Variants in PPP4R3B observed in about 807,000 individuals in gnomAD.
The protein encoded by PPP4R3B is protein phosphatase 4 regulatory subunit 3B.
Under a neutral mutation model 95.4 loss-of-function variants are expected in PPP4R3B, and 52 were observed. That is an observed-to-expected ratio of 0.54 (90% CI 0.44 to 0.69). The LOEUF is 0.69. Ranked by LOEUF, PPP4R3B falls within the 30% of genes least tolerant of loss-of-function variation. PPP4R3B has a pLI of 0.00. For synonymous variants in PPP4R3B, 407 were observed against 343.9 expected (o/e 1.18, Z -2.03); for missense variants, 1,003 against 1,005.9 (o/e 1.00, Z 0.04).
chr2:55,579,831 C>T (rs780420728), intron 8 of PPP4R3B, 50 bp from the exon 9 acceptor site: 1 of 1,227,802 alleles, frequency 8.1e-7, no homozygotes, highest in Non-Finnish European at 1.2e-6. Context: ...TAAATAAAAA[C>T]ATCTTCAAGA....
chr2:55,593,408 A>C (rs1691308628), intron 4 of PPP4R3B, among the ~76,000 whole-genome samples: 1 of 152,202 alleles, frequency 6.6e-6, no homozygotes, highest in South Asian at 2.1e-4. Flanking sequence ...GGACCTTCGT[A>C]CTACCTCACT....
chr2:55,581,566 C>A lies in PPP4R3B; in HGVS notation c.1365+1G>T. On this transcript the variant is annotated splice_donor_variant, in intron 8 of 16. Coordinates refer to ENST00000616407, the MANE Select transcript of PPP4R3B (RefSeq NM_001122964.3). LOFTEE classifies it high-confidence loss of function. The stretch of plus-strand genomic sequence containing the variant: ...ATTTTTATCTCAGAGTAATTTCTTA[C>A]ATTAGTTGTAGCCAGCATGTTCTCT... 1 of 1,608,324 alleles carries A rather than the reference C, an allele frequency of 6.2e-7. No homozygotes were observed. The highest frequency in any genetic ancestry group is 8.5e-7 in the Non-Finnish European group (1 of 1,177,824).
intron 4 of PPP4R3B, among the ~76,000 whole-genome samples, chr2:55,590,809 T>C (rs1207967581): frequency 6.6e-6 from 1 of 152,220 alleles, no homozygotes. Flanking sequence ...GGATCATCCA[T>C]TAAATGGTAT....
intron 1 of PPP4R3B, among the ~76,000 whole-genome samples, chr2:55,615,857 CAAA>C (rs58981030): frequency 3.3e-4 from 13 of 39,064 alleles, no homozygotes; most frequent in African/African-American, 1.8e-3. Context: ...ACTCTGTCTC[CAAA>C]AAAAAAAAAA....
intron 5 of PPP4R3B, among the ~76,000 whole-genome samples, chr2:55,587,561 GCAACAGA>G (rs1690318519): frequency 6.6e-6 from 1 of 152,214 alleles, no homozygotes; most frequent in Non-Finnish European, 1.5e-5. Flanking sequence ...TCCAGTCTGG[GCAACAGA>G]GCAAGACTCT....
intron 16 of PPP4R3B, among the ~76,000 whole-genome samples, chr2:55,557,846 G>A (rs1397001411): frequency 2.0e-5 from 3 of 151,946 alleles, no homozygotes. Context: ...ATATGAACAA[G>A]AAAAATGTTT....
Position 55,598,984 on chromosome 2 carries a change from T to C in PPP4R3B, c.353A>G (p.Glu118Gly). 1 of 1,614,052 alleles carries C rather than the reference T, an allele frequency of 6.2e-7. No individual in the cohort carries two copies. The highest frequency in any genetic ancestry group is 1.7e-5 in the Admixed American group (1 of 60,020). Residue 118 changes from glutamate to glycine, a missense_variant, in exon 4 of 17, where the codon GAA becomes GGA. Around this residue, in one of 3 missense-constraint regions of PPP4R3B, gnomAD observed 695 missense variants for 686.2 expected, o/e 1.01. Coordinates refer to ENST00000616407, the MANE Select transcript of PPP4R3B (RefSeq NM_001122964.3). ...EVTQDLIDESEEERFEEMPET... is the reference protein window; with the variant it reads ...EVTQDLIDESGEERFEEMPET... ...AGGCATTTCTTCAAATCGTTCTTCT[T>C]CAGATTCATCAATGAGGTCCTGTGT...
chr2:55,612,641 T>C (rs528640558), intron 2 of PPP4R3B, among the ~76,000 whole-genome samples: 1 of 152,204 alleles, frequency 6.6e-6, no homozygotes, highest in East Asian at 1.9e-4. Flanking sequence ...CTTTACAAAT[T>C]TTTTAAAAAA....
chr2:55,571,719 G>A lies in PPP4R3B; in HGVS notation c.1765+1900C>T, dbSNP rs571496269. 3.9e-5 allele frequency among the ~76,000 whole-genome samples: 6 copies of A among 152,212 alleles called. No homozygotes were observed. In the South Asian group the frequency reaches 8.3e-4, roughly 21 times the overall value. On this transcript the variant is annotated intron_variant, in intron 12 of 16. Transcript: ENST00000616407. The stretch of plus-strand genomic sequence containing the variant: ...CAGCTCACTGCAACCCCCGTCTCCC[G>A]GGTTCAAGTGATTCTCCTGCCTCAG...
In PPP4R3B at chr2:55,598,049, C is replaced by G. The variant is rs1422355280; in HGVS notation, c.921+367G>C. On this transcript the variant is annotated intron_variant, in intron 4 of 16. Coordinates refer to ENST00000616407, the MANE Select transcript of PPP4R3B (RefSeq NM_001122964.3). Reference sequence around the variant, plus strand: ...TCTGGGCAACACAGTGAAACCCCTTCCCTACTAAAAATACAAAAAAATCAG... The same window carrying G: ...TCTGGGCAACACAGTGAAACCCCTTGCCTACTAAAAATACAAAAAAATCAG... Among the ~76,000 whole-genome samples the G allele has an allele frequency of 2.0e-5, 3 of 152,000 alleles. 1 individual carries two copies. The highest frequency in any genetic ancestry group is 4.1e-4 in the South Asian group (2 of 4,820).
chr2:55,575,608 G>T (rs1296219783), intron 11 of PPP4R3B, among the ~76,000 whole-genome samples: 1 of 151,894 alleles, frequency 6.6e-6, no homozygotes, highest in South Asian at 2.1e-4. Context: ...ACCATGCCCA[G>T]TATATTTTTT....
rs758287570 is a variant in PPP4R3B at position 55,604,008 on chromosome 2, G to A, written c.267C>T (p.Gly89=). Residue 89 remains glycine (G), a synonymous_variant, in exon 3 of 17, where the codon GGC becomes GGT. Transcript: ENST00000616407. ...DLALSFQEKA[G]CDEIWEKICQ... ...AAATTTTTTCCCAGATCTCATCACA[G>A]CCAGCTTTCTCCTGAAAACTCAGAG... The A allele has an allele frequency of 6.2e-7, 1 of 1,610,584 alleles. No homozygotes were observed. Among genetic ancestry groups the A allele is most frequent in the Admixed American group, 1.7e-5 (1 of 59,676 alleles).
At chr2:55,581,492 T>C in intron 8 of PPP4R3B, 75 bp downstream of exon 8, 2 of 1,444,304 alleles carry the variant, frequency 1.4e-6, no homozygotes, top group Non-Finnish European at 1.9e-6. Context: ...AAAATACTTG[T>C]TTCTCAAAAT....
intron 4 of PPP4R3B, chr2:55,591,674 A>G: frequency 1.0e-6 from 1 of 984,336 alleles, no homozygotes; most frequent in Non-Finnish European, 1.2e-6. Flanking sequence ...ATGATTCGGT[A>G]CTTGTGAGCT....
chr2:55,549,739 T>G lies in PPP4R3B; in HGVS notation c.*172A>C, dbSNP rs890363273. ...AATTACTAGCAAGCAATCAAGTTCC[T>G]GGGAAGCCTGATTTTTATTAGAACT... On this transcript the variant is annotated 3_prime_UTR_variant, in exon 17 of 17. Coordinates refer to ENST00000616407, the MANE Select transcript of PPP4R3B (RefSeq NM_001122964.3). 5 of 570,824 alleles carry G rather than the reference T, an allele frequency of 8.8e-6. No homozygotes were observed. The African/African-American group carries it at 9.8e-5, about 11-fold the overall frequency. 35.4% of individuals were successfully genotyped at this position (570,824 alleles called of 1,614,324 possible).
chr2:55,578,306 A>C lies in PPP4R3B; in HGVS notation c.1505T>G (p.Phe502Cys), dbSNP rs1046045389. ...FLKHYRYSWS[F>C]ICTPSHSHSH... ...ATGGGAATGTGAAGGGGTACATATG[A>C]AACTCCAACTATATCTGTAATGTTT... The change falls in exon 10 of 17, where the codon TTC becomes TGC. Residue 502 changes from phenylalanine (F) to cysteine (C), a missense_variant. Phe to Cys is a radical substitution (Grantham distance 205). Transcript: ENST00000616407. The C allele has an allele frequency of 2.1e-6, 3 of 1,463,338 alleles. No homozygotes were observed. In the African/African-American group the frequency reaches 4.3e-5, roughly 21 times the overall value. 90.6% of individuals were successfully genotyped at this position (1,463,338 alleles called of 1,614,324 possible). A position where few individuals can be genotyped will look rare whatever the true frequency, so the allele number is the denominator to read the frequency against.
chr2:55,590,258 C>T (rs1043471657), intron 4 of PPP4R3B, among the ~76,000 whole-genome samples: 3 of 150,268 alleles, frequency 2.0e-5, no homozygotes, highest in African/African-American at 4.9e-5. Flanking sequence ...ACCTGGGAGG[C>T]GGAGGTTGCA....
At chr2:55,608,461 T>C (rs1307998531) in intron 2 of PPP4R3B, among the ~76,000 whole-genome samples, 1 of 152,196 alleles carries the variant, frequency 6.6e-6, no homozygotes, top group African/African-American at 2.4e-5. Flanking sequence ...CAATAACTGA[T>C]CCATCACATG....
chr2:55,613,712 T>C (rs1445693309), intron 2 of PPP4R3B, among the ~76,000 whole-genome samples: 2 of 152,030 alleles, frequency 1.3e-5, no homozygotes, highest in South Asian at 2.1e-4. Context: ...GAAGAATCCA[T>C]TATTAAACCT....
Sources: gnomAD v4.1 joint callset for allele counts (sites outside exome capture counted in the v4.1 genomes callset) on GRCh38, gnomAD v4.1.1 for gene constraint, gnomAD v4.1.1 regional missense constraint, MANE v1.5 for transcripts, NCBI Gene and HGNC (gene_info 2026-07-23, HGNC 2026-07-21) for gene names.